OLFM3: variants seen among roughly 807,000 people sequenced by gnomAD.
OLFM3 encodes olfactomedin 3, also known as noelin-3.
In OLFM3, 20 loss-of-function variants were observed where a neutral mutation model predicts 48.6. The observed-to-expected ratio is 0.41, with a 90% CI of 0.29 to 0.60. OLFM3 has a LOEUF of 0.60. Among genes scored for constraint, OLFM3 ranks in the 20% least tolerant of loss-of-function variants. OLFM3 has a pLI of 0.28. For synonymous variants in OLFM3, 222 were observed against 198.1 expected (o/e 1.12, Z -1.01); for missense variants, 437 against 544.3 (o/e 0.80, Z 1.96).
intron 1 of OLFM3, among the ~76,000 whole-genome samples, chr1:101,947,506 C>T (rs1283705447): frequency 6.6e-6 from 1 of 152,166 alleles, no homozygotes; most frequent in East Asian, 1.9e-4. Context: ...TGTTGGCTCA[C>T]ACCTGTAATT....
intron 1 of OLFM3, among the ~76,000 whole-genome samples, chr1:101,926,418 C>T (rs905621078): frequency 3.3e-5 from 5 of 152,074 alleles, no homozygotes; most frequent in African/African-American, 4.8e-5. Context: ...ATTATATTCA[C>T]GCAAGCCTTT....
intron 1 of OLFM3, among the ~76,000 whole-genome samples, chr1:101,932,663 A>T (rs1397088334): frequency 1.3e-5 from 2 of 152,202 alleles, no homozygotes; most frequent in Admixed American, 6.5e-5. Context: ...ACATGGAAAG[A>T]ATAGCAACTC....
intron 3 of OLFM3, among the ~76,000 whole-genome samples, chr1:101,826,108 C>G (rs550373542): frequency 1.3e-5 from 2 of 149,480 alleles, no homozygotes; most frequent in Non-Finnish European, 3.0e-5. Flanking sequence ...TTGTTTGAAA[C>G]TGAAGCATTG....
chr1:101,991,012 AAAAAATATATATAT>A (rs1279448365), intron 1 of OLFM3, among the ~76,000 whole-genome samples: 2 of 74,312 alleles, frequency 2.7e-5, no homozygotes, highest in Admixed American at 1.3e-4. Context: ...AAAAAAAAAA[AAAAAATATATATAT>A]ATATATATAT....
chr1:101,880,594 C>A (rs1242913053), intron 1 of OLFM3, among the ~76,000 whole-genome samples: 1 of 151,740 alleles, frequency 6.6e-6, no homozygotes, highest in Non-Finnish European at 1.5e-5. Context: ...TGTTTTCCCT[C>A]ATGATAATAA....
intron 1 of OLFM3, among the ~76,000 whole-genome samples, chr1:101,945,685 C>T (rs1006949814): frequency 7.2e-5 from 11 of 152,006 alleles, no homozygotes; most frequent in East Asian, 3.9e-4. Flanking sequence ...CAGTGGCTCA[C>T]GCCTATAATC....
At position 101,812,921 on chromosome 1, in the gene OLFM3, T is replaced by C. The variant is rs564940398; in HGVS notation, c.593-6739A>G. ...TAGCACTAAGCATTTCTCTGAAATATGTTAGAGGGTAAAAACAATAGTTAC... is the reference window on the plus strand; with the variant it reads ...TAGCACTAAGCATTTCTCTGAAATACGTTAGAGGGTAAAAACAATAGTTAC... On this transcript the variant is annotated intron_variant, in intron 4 of 5. Transcript: ENST00000370103. 1,732 of 1,011,658 alleles carry C rather than the reference T, an allele frequency of 1.7e-3. 12 individuals carry two copies. The South Asian group carries it at 0.02, about 12-fold the overall frequency. The allele number at this position is 1,011,658 out of a possible 1,614,324, so 62.7% of individuals were successfully genotyped here. A position where few individuals can be genotyped will look rare whatever the true frequency, so the allele number is the denominator to read the frequency against.
Position 101,828,052 on chromosome 1 carries a change from C to CTCTCTCTCTCTG in OLFM3, c.372+2619_372+2620insCAGAGAGAGAGA, listed in dbSNP as rs1553170828. Among the ~76,000 whole-genome samples the CTCTCTCTCTCTG allele has an allele frequency of 6.8e-3, 846 of 125,190 alleles. 5 individuals are homozygous for CTCTCTCTCTCTG. Among genetic ancestry groups the CTCTCTCTCTCTG allele is most frequent in the Non-Finnish European group, 0.011 (591 of 56,026 alleles). The allele number at this position is 125,190 out of a possible 152,430, so 82.1% of individuals were successfully genotyped here. On this transcript the variant is annotated intron_variant, in intron 3 of 5. Transcript: ENST00000370103. ...TCTCTCTGTCTGTCTGTCTGTCTGT[C>CTCTCTCTCTCTG]TCTCTCTCTCTCTGTCTCTCTCTCT... is the stretch of plus-strand genomic sequence containing the variant.
At position 101,837,042 on chromosome 1, in the gene OLFM3, G is replaced by A. The variant is rs1043323199; in HGVS notation, c.70-17C>T. 1 of 1,604,976 alleles carries A rather than the reference G, an allele frequency of 6.2e-7. No individual in the cohort carries two copies. The highest frequency in any genetic ancestry group is 8.5e-7 in the Non-Finnish European group (1 of 1,175,166). On this transcript the variant is annotated splice_polypyrimidine_tract_variant and intron_variant, in intron 1 of 5. Coordinates refer to ENST00000370103, the MANE Select transcript of OLFM3 (RefSeq NM_058170.4). ...AATCTGAGTCTGAGGAAACCAAAGG[G>A]AAACATAAAACACAGACTCCTGTTA...
At chr1:101,814,504 A>G (rs1654233556) in intron 4 of OLFM3, among the ~76,000 whole-genome samples, 1 of 152,198 alleles carries the variant, frequency 6.6e-6, no homozygotes, top group African/African-American at 2.4e-5. Flanking sequence ...TTGGGAGGGT[A>G]AGGAAGACCT....
chr1:101,920,817 T>G lies in OLFM3; in HGVS notation c.69+75931A>C, dbSNP rs1659072507. On this transcript the variant is annotated intron_variant, in intron 1 of 5. Transcript: ENST00000370103. ...CTTTATTCACTGTCAGTCTGGCTGC[T>G]GCTAACAGCAACCAGGCAGGTCCTG... 2.0e-5 allele frequency among the ~76,000 whole-genome samples: 3 copies of G among 152,232 alleles called. No homozygotes were observed. In the South Asian group the frequency reaches 6.2e-4, roughly 31 times the overall value.
intron 4 of OLFM3, among the ~76,000 whole-genome samples, chr1:101,819,906 A>G (rs1232106120): frequency 1.3e-5 from 2 of 152,046 alleles, no homozygotes; most frequent in East Asian, 3.9e-4. Context: ...TAGATTTGAA[A>G]TAGCACATGC....
chr1:101,822,812 T>G (rs1054639594), intron 4 of OLFM3, among the ~76,000 whole-genome samples: 5 of 150,220 alleles, frequency 3.3e-5, no homozygotes, highest in African/African-American at 1.2e-4. Flanking sequence ...AATTTCCTTA[T>G]GTAAGCAATG....
At chr1:101,856,520 A>C (rs1656415393) in intron 1 of OLFM3, among the ~76,000 whole-genome samples, 1 of 152,036 alleles carries the variant, frequency 6.6e-6, no homozygotes, top group South Asian at 2.1e-4. Flanking sequence ...GAACATAGCA[A>C]TAGATAAGTA....
intron 1 of OLFM3, among the ~76,000 whole-genome samples, chr1:101,976,512 T>C (rs1660956244): frequency 6.6e-6 from 1 of 152,198 alleles, no homozygotes; most frequent in Non-Finnish European, 1.5e-5. Flanking sequence ...CAGGCTATAA[T>C]TGGTATTAGT....
At chr1:101,902,845 G>T (rs1658432820) in intron 1 of OLFM3, among the ~76,000 whole-genome samples, 1 of 152,060 alleles carries the variant, frequency 6.6e-6, no homozygotes, top group African/African-American at 2.4e-5. Flanking sequence ...TATCATTAGA[G>T]AATGTAACTT....
At chr1:101,963,400 T>C (rs1660520752) in intron 1 of OLFM3, among the ~76,000 whole-genome samples, 2 of 152,180 alleles carry the variant, frequency 1.3e-5, no homozygotes, top group Non-Finnish European at 2.9e-5. Flanking sequence ...ATAAGTTTTA[T>C]GTGTCTAATT....
At chr1:101,965,761 G>A (rs1033324009) in intron 1 of OLFM3, among the ~76,000 whole-genome samples, 39 of 152,146 alleles carry the variant, frequency 2.6e-4, no homozygotes, top group Non-Finnish European at 7.3e-5. Context: ...ATATTCTGAA[G>A]AGGCATATAT....
At chr1:101,974,954 A>T (rs1660910592) in intron 1 of OLFM3, among the ~76,000 whole-genome samples, 1 of 152,216 alleles carries the variant, frequency 6.6e-6, no homozygotes, top group Admixed American at 6.5e-5. Context: ...GAGATGTCAG[A>T]AAAACTGTTT....
Sources: allele counts gnomAD v4.1 joint callset (sites outside exome capture counted in the v4.1 genomes callset), GRCh38; gene constraint gnomAD v4.1.1; transcripts MANE v1.5; gene names NCBI Gene and HGNC (gene_info 2026-07-23, HGNC 2026-07-21).